SLC25A26: variants seen among roughly 807,000 people sequenced by gnomAD.
SLC25A26 encodes the protein solute carrier family 25 member 26, also known as mitochondrial S-adenosylmethionine carrier protein.
SLC25A26 carries 36 observed loss-of-function variants against 37.8 expected under a neutral mutation model. The observed-to-expected ratio is 0.95, with a 90% CI of 0.73 to 1.26. SLC25A26 has a LOEUF of 1.26. SLC25A26 is among the 50% of genes most tolerant of loss of function. The pLI is 0.00. For synonymous variants in SLC25A26, 129 were observed against 122.5 expected (o/e 1.05, Z -0.35); for missense variants, 390 against 331.1 (o/e 1.18, Z -1.38).
intron 6 of SLC25A26, among the ~76,000 whole-genome samples, chr3:66,362,475 C>G (rs2076732964): frequency 6.6e-6 from 1 of 152,072 alleles, no homozygotes; most frequent in African/African-American, 2.4e-5. Flanking sequence ...GAAAGGCATA[C>G]TAATCTAGAA....
At chr3:66,164,335 T>C (rs2070397252) in intron 1 of SLC25A26, among the ~76,000 whole-genome samples, 1 of 152,220 alleles carries the variant, frequency 6.6e-6, no homozygotes, top group Non-Finnish European at 1.5e-5. Flanking sequence ...CCCAGAATAT[T>C]TTTTGCTTTT....
chr3:66,190,241 G>A (rs2070911569), intron 1 of SLC25A26, among the ~76,000 whole-genome samples: 1 of 151,812 alleles, frequency 6.6e-6, no homozygotes, highest in Admixed American at 6.6e-5. Flanking sequence ...ATTGAGCTTG[G>A]GAGGTAAAGG....
chr3:66,194,923 G>C (rs1576631197), intron 1 of SLC25A26, among the ~76,000 whole-genome samples: 1 of 152,170 alleles, frequency 6.6e-6, no homozygotes, highest in Non-Finnish European at 1.5e-5. Flanking sequence ...AAAGGAACGG[G>C]TGGTTGGACC....
At chr3:66,372,470 C>T (rs1158910024) in intron 9 of SLC25A26, among the ~76,000 whole-genome samples, 1 of 152,202 alleles carries the variant, frequency 6.6e-6, no homozygotes, top group Non-Finnish European at 1.5e-5. Flanking sequence ...CGTTATAATA[C>T]TAAGCAGTGC....
At chr3:66,209,945 T>TATATATATATATAC (rs2071261894) in intron 1 of SLC25A26, among the ~76,000 whole-genome samples, 1 of 93,992 alleles carries the variant, frequency 1.1e-5, no homozygotes, top group Non-Finnish European at 2.1e-5. Context: ...TATATATATA[T>TATATATATATATAC]ATGCAGTAGT....
At chr3:66,318,551 G>A (rs899767326) in intron 5 of SLC25A26, among the ~76,000 whole-genome samples, 1 of 151,964 alleles carries the variant, frequency 6.6e-6, no homozygotes, top group African/African-American at 2.4e-5. Context: ...CTCAGTTGAA[G>A]ATGCAGAATT....
chr3:66,297,110 A>G (rs192741244), intron 5 of SLC25A26, among the ~76,000 whole-genome samples: 2 of 152,306 alleles, frequency 1.3e-5, no homozygotes, highest in East Asian at 3.9e-4. Context: ...GGATCACCTG[A>G]GGTCAGAAGT....
chr3:66,332,672 A>G (rs2076004823), intron 5 of SLC25A26, among the ~76,000 whole-genome samples: 2 of 152,196 alleles, frequency 1.3e-5, no homozygotes, highest in East Asian at 3.9e-4. Context: ...TTGGCCTCCT[A>G]AAGTGCTAGG....
At chr3:66,276,729 C>T (rs991842795) in intron 5 of SLC25A26, among the ~76,000 whole-genome samples, 2 of 151,884 alleles carry the variant, frequency 1.3e-5, no homozygotes, top group Admixed American at 6.6e-5. Flanking sequence ...TTTTGGTATA[C>T]ATAGCCAAGT....
chr3:66,347,264 A>T (rs2076348104), intron 6 of SLC25A26, among the ~76,000 whole-genome samples: 3 of 152,204 alleles, frequency 2.0e-5, no homozygotes, highest in Admixed American at 2.0e-4. Context: ...AAGGAACTGA[A>T]ATGAATTTAC....
At chr3:66,246,375 A>G (rs1415170212) in intron 3 of SLC25A26, among the ~76,000 whole-genome samples, 1 of 152,226 alleles carries the variant, frequency 6.6e-6, no homozygotes, top group Non-Finnish European at 1.5e-5. Flanking sequence ...GTCCAAAAAA[A>G]TAGAAAGTGA....
chr3:66,275,236 C>T (rs2074097818), intron 5 of SLC25A26, among the ~76,000 whole-genome samples: 1 of 120,758 alleles, frequency 8.3e-6, no homozygotes, highest in South Asian at 2.6e-4. Context: ...GAACATCACA[C>T]TCTGGGGATG....
chr3:66,267,433 A>G (rs977706608), intron 5 of SLC25A26, among the ~76,000 whole-genome samples: 1 of 152,082 alleles, frequency 6.6e-6, no homozygotes, highest in Non-Finnish European at 1.5e-5. Flanking sequence ...GAGAAGTTGA[A>G]CTTCTTGCCC....
intron 5 of SLC25A26, among the ~76,000 whole-genome samples, chr3:66,323,544 G>A (rs1189175729): frequency 2.0e-5 from 3 of 152,192 alleles, no homozygotes; most frequent in East Asian, 1.9e-4. Context: ...AAGATAGTTT[G>A]TCTGTAATCC....
intron 1 of SLC25A26, 146 bp downstream of exon 1, chr3:66,221,273 A>G: frequency 4.8e-6 from 4 of 828,038 alleles, no homozygotes; most frequent in Non-Finnish European, 7.1e-6. Context: ...AGGGAGCACG[A>G]GGCTCCCAGG....
intron 3 of SLC25A26, among the ~76,000 whole-genome samples, chr3:66,243,699 A>G (rs2072694884): frequency 6.6e-6 from 1 of 152,224 alleles, no homozygotes; most frequent in East Asian, 1.9e-4. Context: ...GTCAGCCACA[A>G]GAGAAATTTG....
chr3:66,176,278 A>G (rs986386445), intron 1 of SLC25A26, among the ~76,000 whole-genome samples: 6 of 152,204 alleles, frequency 3.9e-5, no homozygotes, highest in African/African-American at 1.4e-4. Context: ...TAAGAAAAAA[A>G]TATTCTGGTG....
At position 66,221,140 on chromosome 3, in the gene SLC25A26, C is replaced by T; in HGVS notation, c.33+13C>T. ...GGCAGCGCTGGTGGTGAGTGCGGGG[C>T]GGTGGGGTGGGTTGCTCAGAGTGCC... On this transcript the variant is annotated intron_variant, in intron 1 of 9. Transcript: ENST00000354883. The T allele has an allele frequency of 1.6e-6, 2 of 1,279,594 alleles. No individual in the cohort carries two copies. Among genetic ancestry groups the T allele is most frequent in the Non-Finnish European group, 1.1e-6 (1 of 922,466 alleles). The allele number at this position is 1,279,594 out of a possible 1,614,324, so 79.3% of individuals were successfully genotyped here. A position where few individuals can be genotyped will look rare whatever the true frequency, so the allele number is the denominator to read the frequency against.
chr3:66,197,680 G>A (rs1293267930), intron 1 of SLC25A26, among the ~76,000 whole-genome samples: 1 of 152,078 alleles, frequency 6.6e-6, no homozygotes, highest in African/African-American at 2.4e-5. Flanking sequence ...GTCAGAGGTG[G>A]GTGAGTTTGC....
Sources: allele counts gnomAD v4.1 joint callset (sites outside exome capture counted in the v4.1 genomes callset), GRCh38; gene constraint gnomAD v4.1.1; transcripts MANE v1.5; gene names NCBI Gene and HGNC (gene_info 2026-07-23, HGNC 2026-07-21).